CUX1: variants seen among roughly 807,000 people sequenced by gnomAD.
CUX1 encodes protein CASP.
In CUX1, 31 loss-of-function variants were observed where a neutral mutation model predicts 158.8. That is an observed-to-expected ratio of 0.20 (90% CI 0.15 to 0.26). The LOEUF (loss-of-function observed/expected upper bound fraction) is 0.26. Among genes scored for constraint, CUX1 ranks in the 10% least tolerant of loss-of-function variants. The pLI is 1.00. For missense variants in CUX1, 1,589 were observed against 2,014.6 expected (o/e 0.79, Z 4.04); for synonymous variants, 879 against 862.1 (o/e 1.02, Z -0.34).
chr7:101,945,612 T>C (rs1194580137), intron 2 of CUX1, among the ~76,000 whole-genome samples: 1 of 152,162 alleles, frequency 6.6e-6, no homozygotes, highest in East Asian at 1.9e-4. Flanking sequence ...TGGGACATCC[T>C]GAGAGCCCAA....
At chr7:102,063,731 A>G (rs1025431825) in intron 3 of CUX1, among the ~76,000 whole-genome samples, 17 of 152,200 alleles carry the variant, frequency 1.1e-4, no homozygotes, top group Non-Finnish European at 2.1e-4. Context: ...ATAAATATTT[A>G]AACCTGGATT....
chr7:101,893,623 C>T (rs1192291233), intron 1 of CUX1, among the ~76,000 whole-genome samples: 2 of 152,214 alleles, frequency 1.3e-5, no homozygotes, highest in East Asian at 3.9e-4. Context: ...GACCCAGTTG[C>T]ATGCTGATGT....
At chr7:101,973,315 C>T (rs1009240629) in intron 2 of CUX1, among the ~76,000 whole-genome samples, 2 of 152,140 alleles carry the variant, frequency 1.3e-5, no homozygotes, top group African/African-American at 4.8e-5. Flanking sequence ...CAGCTGGACT[C>T]ATCTCACACT....
chr7:101,923,227 G>T (rs571550745), intron 2 of CUX1, among the ~76,000 whole-genome samples: 3 of 152,256 alleles, frequency 2.0e-5, no homozygotes, highest in Admixed American at 2.0e-4. Flanking sequence ...CTGCGACATC[G>T]GCCTGGCTTC....
chr7:102,196,130 C>T (rs1372115747), intron 14 of CUX1, among the ~76,000 whole-genome samples: 2 of 152,218 alleles, frequency 1.3e-5, no homozygotes, highest in African/African-American at 4.8e-5. Context: ...TGGTAAAACG[C>T]GTACAGGTGT....
chr7:102,246,299 A>G (rs1176963163), intron 23 of CUX1, among the ~76,000 whole-genome samples: 4 of 152,202 alleles, frequency 2.6e-5, no homozygotes, highest in Non-Finnish European at 5.9e-5. Flanking sequence ...TGGGCTCCCA[A>G]GGTAGCCCCA....
At chr7:101,948,672 TG>T (rs1188501278) in intron 2 of CUX1, among the ~76,000 whole-genome samples, 6 of 152,120 alleles carry the variant, frequency 3.9e-5, no homozygotes, top group African/African-American at 1.2e-4. Context: ...GTGGCTCTGC[TG>T]GGGGGGCATC....
At chr7:101,895,119 C>T (rs534823611) in intron 1 of CUX1, among the ~76,000 whole-genome samples, 1 of 152,258 alleles carries the variant, frequency 6.6e-6, no homozygotes, top group African/African-American at 2.4e-5. Context: ...CTCCTGGGTT[C>T]AAGCAGTTCT....
At chr7:101,876,210 T>C (rs1349692380) in intron 1 of CUX1, among the ~76,000 whole-genome samples, 1 of 151,606 alleles carries the variant, frequency 6.6e-6, no homozygotes, top group Non-Finnish European at 1.5e-5. Context: ...CCAGGTGTGG[T>C]GGCACACGCT....
intron 8 of CUX1, among the ~76,000 whole-genome samples, chr7:102,147,152 A>C (rs1471485112): frequency 6.6e-6 from 1 of 152,062 alleles, no homozygotes; most frequent in African/African-American, 2.4e-5. Context: ...GCCACCGTGG[A>C]GTGTGACACA....
intron 21 of CUX1, chr7:102,281,982 C>A (rs985336149): frequency 8.5e-7 from 1 of 1,177,322 alleles, no homozygotes; most frequent in Non-Finnish European, 1.3e-6. Context: ...ACCTCCAGGG[C>A]AGCAGGGGCC....
intron 1 of CUX1, among the ~76,000 whole-genome samples, chr7:101,888,490 C>T (rs993270293): frequency 1.3e-5 from 2 of 152,094 alleles, no homozygotes; most frequent in African/African-American, 4.8e-5. Context: ...TCTGTTTCTC[C>T]ATGTTCATAC....
In CUX1 at chr7:102,249,314, GC is replaced by G. The variant is rs1554538851; in HGVS notation, c.*274del. The G allele has an allele frequency of 2.9e-6, 3 of 1,028,214 alleles. No individual in the cohort carries two copies. Among genetic ancestry groups the G allele is most frequent in the Non-Finnish European group, 3.5e-6 (3 of 857,130 alleles). 63.7% of individuals were successfully genotyped at this position (1,028,214 alleles called of 1,614,324 possible). Reference sequence around the variant, plus strand: ...CCCCGCGGCCCAGACCCAGCCCGCGGCCTGGACCCCTGGACCGCTTTGCGCA... The same window carrying G: ...CCCCGCGGCCCAGACCCAGCCCGCGGCTGGACCCCTGGACCGCTTTGCGCA... On this transcript the variant is annotated 3_prime_UTR_variant, in exon 24 of 24. Transcript: ENST00000292535.
chr7:101,964,276 C>G (rs1810866205), intron 2 of CUX1, among the ~76,000 whole-genome samples: 1 of 152,046 alleles, frequency 6.6e-6, no homozygotes, highest in Non-Finnish European at 1.5e-5. Context: ...TTGCTTGAAC[C>G]TGGGGGGCGG....
chr7:102,110,442 TACAC>T (rs1285504043), intron 6 of CUX1, among the ~76,000 whole-genome samples: 1 of 152,242 alleles, frequency 6.6e-6, no homozygotes, highest in Non-Finnish European at 1.5e-5. Context: ...TAGTTTGTAT[TACAC>T]TATAGCTTGT....
chr7:102,060,911 C>CGT (rs1489769024), intron 3 of CUX1, among the ~76,000 whole-genome samples: 8 of 79,488 alleles, frequency 1.0e-4, no homozygotes, highest in African/African-American at 5.1e-4. Context: ...CGCGCCTGGC[C>CGT]TTTTTTTTTT....
At position 102,255,194 on chromosome 7, in the gene CUX1, C is replaced by T; in HGVS notation, c.*6152C>T. The T allele has an allele frequency of 1.0e-6, 1 of 985,494 alleles. No individual in the cohort carries two copies. Among genetic ancestry groups the T allele is most frequent in the African/African-American group, 1.7e-5 (1 of 57,342 alleles). 61.0% of individuals were successfully genotyped at this position (985,494 alleles called of 1,614,324 possible). On this transcript the variant is annotated 3_prime_UTR_variant, in exon 24 of 24. Transcript: ENST00000292535. The stretch of plus-strand genomic sequence containing the variant: ...CTGTCTGCCCGACTTCCAAAAACTG[C>T]CTCCTCCTGCCCAGGCCTCTCCCAC...
chr7:101,911,993 G>A (rs1057189105), intron 1 of CUX1, among the ~76,000 whole-genome samples: 4 of 152,328 alleles, frequency 2.6e-5, no homozygotes, highest in East Asian at 1.9e-4. Context: ...TCTCAGCCTC[G>A]TTGGAAGTGC....
chr7:101,931,438 G>A (rs958022042), intron 2 of CUX1, among the ~76,000 whole-genome samples: 1 of 152,164 alleles, frequency 6.6e-6, no homozygotes, highest in Non-Finnish European at 1.5e-5. Flanking sequence ...CACTGGAAAG[G>A]CATTTAACTA....
Sources: gnomAD v4.1 joint callset for allele counts (sites outside exome capture counted in the v4.1 genomes callset) on GRCh38, gnomAD v4.1.1 for gene constraint, MANE v1.5 for transcripts, NCBI Gene and HGNC (gene_info 2026-07-23, HGNC 2026-07-21) for gene names.